The following RBBP7 variants were observed in gnomAD, a reference collection of about 807,000 sequenced individuals.
RBBP7 encodes RB binding protein 7, chromatin remodeling factor, also known as histone-binding protein RBBP7.
In RBBP7, 5 loss-of-function variants were observed where a neutral mutation model predicts 35.2. That is an observed-to-expected ratio of 0.14 (90% CI 0.07 to 0.30). The LOEUF is 0.30. Among genes scored for constraint, RBBP7 ranks in the 10% least tolerant of loss-of-function variants. The probability of loss-of-function intolerance (pLI) is 1.00; values close to 1 mark genes in which losing one functional copy is unlikely to be tolerated. For missense variants in RBBP7, 155 were observed against 327.5 expected, an observed-to-expected ratio of 0.47 and a Z score of 4.07; for synonymous variants, 140 against 118.7, an observed-to-expected ratio of 1.18 and a Z score of -1.17.
intron 1 of RBBP7, chrX:16,869,830 G>A (rs2147533363): frequency 1.1e-6 from 1 of 886,596 alleles, no homozygotes; most frequent in East Asian, 5.2e-5. Flanking sequence ...CCAGCCCTCG[G>A]CCCCGCGCCC....
chrX:16,857,981 A>C (rs1463999693), intron 4 of RBBP7, among the ~76,000 whole-genome samples: 1 of 111,571 alleles, frequency 9.0e-6, no homozygotes, highest in Non-Finnish European at 1.9e-5. Context: ...CCAATTTTTT[A>C]GAAATATTTC....
chrX:16,866,166 A>T (rs1033131991), intron 2 of RBBP7, among the ~76,000 whole-genome samples: 1 of 111,877 alleles, frequency 8.9e-6, no homozygotes, highest in African/African-American at 3.3e-5. Flanking sequence ...TAGTCTCAAT[A>T]TATTTAAGAC....
intron 6 of RBBP7, chrX:16,853,123 T>C: frequency 2.6e-6 from 1 of 391,958 alleles, no homozygotes; most frequent in East Asian, 4.3e-5. Context: ...CTATTTCAAG[T>C]GTACACAAAA....
chrX:16,867,253 C>T (rs1044621538), intron 2 of RBBP7, among the ~76,000 whole-genome samples: 1 of 111,827 alleles, frequency 8.9e-6, no homozygotes, highest in Non-Finnish European at 1.9e-5. Context: ...AACACGGCCC[C>T]AGTTCATGAA....
chrX:16,861,345 T>C (rs1042361861), intron 3 of RBBP7, among the ~76,000 whole-genome samples: 1 of 111,875 alleles, frequency 8.9e-6, no homozygotes, highest in African/African-American at 3.3e-5. Flanking sequence ...GCAGTTTCAC[T>C]ACACTAGAGA....
At chrX:16,869,433 C>A in intron 1 of RBBP7, 1 of 1,139,408 alleles carries the variant, frequency 8.8e-7, no homozygotes. Context: ...CTGCGTACAC[C>A]ATGTTGGGTA....
chrX:16,846,942 A>C (rs746980057), intron 10 of RBBP7: 1 of 111,008 alleles, frequency 9.0e-6, no homozygotes, highest in East Asian at 2.8e-4. Flanking sequence ...CAGCCTGGGC[A>C]ACATGACAAA....
At chrX:16,868,362 A>G (rs1178346063) in intron 2 of RBBP7, among the ~76,000 whole-genome samples, 2 of 112,421 alleles carry the variant, frequency 1.8e-5, no homozygotes, top group Non-Finnish European at 3.8e-5. Context: ...GATGGCACTT[A>G]AACTCTCACT....
intron 2 of RBBP7, among the ~76,000 whole-genome samples, chrX:16,865,212 C>T (rs56218898): frequency 0.3 from 32,513 of 109,404 alleles, 4,745 homozygotes; most frequent in Middle Eastern, 0.5. Context: ...TGGCAAAATC[C>T]CATCTCCACA....
chrX:16,869,371 A>C, intron 1 of RBBP7, 151 bp from the exon 2 acceptor site: 2 of 1,053,657 alleles, frequency 1.9e-6, no homozygotes, highest in Admixed American at 5.9e-5. Flanking sequence ...CAGAAGGTGG[A>C]GAAAATACTA....
chrX:16,861,399 G>A (rs377415822), intron 3 of RBBP7, among the ~76,000 whole-genome samples: 1 of 111,753 alleles, frequency 8.9e-6, no homozygotes, highest in East Asian at 2.8e-4. Context: ...TGCTCAGGGT[G>A]GAGTGCAGTG....
Position 16,853,187 on chromosome X carries a change from C to A in RBBP7, c.759-312G>T, listed in dbSNP as rs572717403. 5.3e-5 allele frequency: 13 copies of A among 244,478 alleles called. No individual in the cohort carries two copies. The South Asian group carries it at 6.5e-4, about 12-fold the overall frequency. The allele number at this position is 244,478 out of a possible 1,213,427, so 20.1% of individuals were successfully genotyped here. On this transcript the variant is annotated intron_variant, in intron 6 of 11. Transcript: ENST00000380087. ...ATCTGATACCTAAAACTAGTTTTGA[C>A]AAATGCCCAGTATTTTGTCACATTT... is the stretch of plus-strand genomic sequence containing the variant.
intron 10 of RBBP7, 30 bp downstream of exon 10, chrX:16,849,214 A>G: frequency 8.4e-7 from 1 of 1,184,021 alleles, no homozygotes; most frequent in East Asian, 3.0e-5. Context: ...TCTGCATATG[A>G]CATTTCATCT....
intron 2 of RBBP7, among the ~76,000 whole-genome samples, chrX:16,866,597 AGCCAAATCAATTAT>A (rs1199690949): frequency 1.9e-5 from 2 of 107,412 alleles, no homozygotes; most frequent in African/African-American, 3.4e-5. Flanking sequence ...CAAGCCAGCC[AGCCAAATCAATTAT>A]TTGGACAATT....
At chrX:16,857,529 T>A in intron 5 of RBBP7, 65 bp downstream of exon 5, 1 of 1,196,766 alleles carries the variant, frequency 8.4e-7, no homozygotes, top group African/African-American at 1.8e-5. Context: ...ATAGTACTCC[T>A]TCAGCACAGC....
intron 9 of RBBP7, among the ~76,000 whole-genome samples, 187 bp downstream of exon 9, chrX:16,851,859 T>C (rs1465608819): frequency 1.8e-5 from 2 of 112,720 alleles, no homozygotes; most frequent in Non-Finnish European, 3.7e-5. Context: ...ATTTATTTTA[T>C]GGTCCATTTG....
At chrX:16,849,601 T>A (rs1344768184) in intron 9 of RBBP7, among the ~76,000 whole-genome samples, 1 of 111,982 alleles carries the variant, frequency 8.9e-6, no homozygotes, top group Non-Finnish European at 1.9e-5. Flanking sequence ...GGCTACTGTT[T>A]ATATTTGGTG....
At chrX:16,850,731 A>AAT (rs917571488) in intron 9 of RBBP7, among the ~76,000 whole-genome samples, 3 of 111,887 alleles carry the variant, frequency 2.7e-5, no homozygotes, top group Non-Finnish European at 5.6e-5. Flanking sequence ...CCTTGGTTTT[A>AAT]ATATATAGGT....
intron 5 of RBBP7, among the ~76,000 whole-genome samples, chrX:16,856,706 C>T (rs1417613704): frequency 9.0e-6 from 1 of 111,617 alleles, no homozygotes; most frequent in Non-Finnish European, 1.9e-5. Flanking sequence ...TTGTACATTG[C>T]TTGTGGAAAT....
Sources: allele counts gnomAD v4.1 joint callset (sites outside exome capture counted in the v4.1 genomes callset), GRCh38; gene constraint gnomAD v4.1.1; transcripts MANE v1.5; gene names NCBI Gene and HGNC (gene_info 2026-07-23, HGNC 2026-07-21).